The following STAG1 variants were observed in gnomAD, a reference collection of about 807,000 sequenced individuals.
STAG1 encodes cohesin subunit SA-1.
A neutral mutation model predicts 170.9 loss-of-function variants in STAG1; 26 were observed. The ratio of observed to expected loss-of-function variants is 0.15; its 90% CI spans 0.11 to 0.21. The LOEUF is 0.21. Ranked by LOEUF, STAG1 falls within the 10% of genes least tolerant of loss-of-function variation. The probability of loss-of-function intolerance (pLI) is 1.00; values close to 1 mark genes in which losing one functional copy is unlikely to be tolerated. For synonymous variants in STAG1, 514 were observed against 497.7 expected, an observed-to-expected ratio of 1.03 and a Z score of -0.44; for missense variants, 964 against 1,509.5, an observed-to-expected ratio of 0.64 and a Z score of 5.99.
intron 5 of STAG1, among the ~76,000 whole-genome samples, chr3:136,567,002 T>C (rs1937100416): frequency 6.6e-6 from 1 of 152,200 alleles, no homozygotes; most frequent in East Asian, 1.9e-4. Flanking sequence ...ATTCCTACCC[T>C]ATAGGTATGA....
chr3:136,636,024 G>C (rs2107842534), intron 1 of STAG1, among the ~76,000 whole-genome samples: 1 of 152,194 alleles, frequency 6.6e-6, no homozygotes, highest in African/African-American at 2.4e-5. Flanking sequence ...GAGGCAGGTG[G>C]ATCACCTGAG....
chr3:136,672,053 G>C (rs144614028), intron 1 of STAG1, among the ~76,000 whole-genome samples: 5 of 152,060 alleles, frequency 3.3e-5, no homozygotes, highest in African/African-American at 4.8e-5. Context: ...TAAATTTCTG[G>C]AGTTTCACTC....
At chr3:136,564,401 G>A (rs1322625859) in intron 5 of STAG1, among the ~76,000 whole-genome samples, 1 of 152,192 alleles carries the variant, frequency 6.6e-6, no homozygotes, top group African/African-American at 2.4e-5. Context: ...ACAACAGAAT[G>A]TTGTTATGAT....
intron 5 of STAG1, among the ~76,000 whole-genome samples, chr3:136,556,865 G>C (rs913921215): frequency 6.6e-6 from 1 of 152,040 alleles, no homozygotes; most frequent in Non-Finnish European, 1.5e-5. Flanking sequence ...TTACAGGTAC[G>C]AGCCACTGTG....
chr3:136,622,761 AATCAGGTT>A (rs1939922883), intron 3 of STAG1, among the ~76,000 whole-genome samples: 1 of 152,284 alleles, frequency 6.6e-6, no homozygotes, highest in Non-Finnish European at 1.5e-5. Context: ...TAAACTTCCC[AATCAGGTT>A]ATCAATGAGA....
intron 4 of STAG1, among the ~76,000 whole-genome samples, chr3:136,578,619 C>T (rs1176868484): frequency 6.6e-6 from 1 of 152,184 alleles, no homozygotes; most frequent in Admixed American, 6.5e-5. Context: ...AGATACTGTG[C>T]ATTGTTGAAA....
chr3:136,515,640 C>T lies in STAG1; in HGVS notation c.676+5573G>A, dbSNP rs979946455. Among the ~76,000 whole-genome samples, 3 of 152,128 alleles carry T rather than the reference C, an allele frequency of 2.0e-5. No homozygotes were observed. The South Asian group carries it at 6.2e-4, about 32-fold the overall frequency. On this transcript the variant is annotated intron_variant, in intron 7 of 33. Transcript: ENST00000383202. ...AATTTTTAAAATCCTTGTTTCTTTA[C>T]AAAAACTGGCTGCCAAAAGAAAGCT...
At chr3:136,685,466 C>T (rs1942485859) in intron 1 of STAG1, among the ~76,000 whole-genome samples, 2 of 152,304 alleles carry the variant, frequency 1.3e-5, no homozygotes, top group South Asian at 4.1e-4. Context: ...GATCCAGCAA[C>T]TGTACTTCTT....
chr3:136,337,748 A>C lies in STAG1; in HGVS notation c.*506T>G, dbSNP rs1935750595. The C allele has an allele frequency of 2.0e-5, 3 of 152,626 alleles. No homozygotes were observed. The South Asian group carries it at 6.2e-4, about 32-fold the overall frequency. 9.5% of individuals were successfully genotyped at this position (152,626 alleles called of 1,614,324 possible). A position where few individuals can be genotyped will look rare whatever the true frequency, so the allele number is the denominator to read the frequency against. On this transcript the variant is annotated 3_prime_UTR_variant, in exon 34 of 34. Transcript: ENST00000383202. ...CACAAAGGTCAACCAAATCCAGTGA[A>C]CTCCAAAACACTCTTCGCAATTAGG...
At chr3:136,510,715 G>A (rs1300685321) in intron 7 of STAG1, among the ~76,000 whole-genome samples, 1 of 151,860 alleles carries the variant, frequency 6.6e-6, no homozygotes, top group Non-Finnish European at 1.5e-5. Flanking sequence ...GGGTTCAAGT[G>A]ATTCTCCTGC....
chr3:136,599,120 C>T (rs1472055253), intron 4 of STAG1, among the ~76,000 whole-genome samples: 1 of 152,162 alleles, frequency 6.6e-6, no homozygotes, highest in African/African-American at 2.4e-5. Flanking sequence ...CTATTATAAA[C>T]ATACATGCAT....
intron 3 of STAG1, among the ~76,000 whole-genome samples, chr3:136,613,777 T>TG (rs765785217): frequency 4.6e-5 from 7 of 152,204 alleles, no homozygotes; most frequent in Non-Finnish European, 1.0e-4. Flanking sequence ...TGTGCGCCAC[T>TG]GTGCCCGGCC....
At chr3:136,697,061 A>G (rs1042954072) in intron 1 of STAG1, among the ~76,000 whole-genome samples, 19 of 152,094 alleles carry the variant, frequency 1.2e-4, no homozygotes, top group African/African-American at 4.1e-4. Context: ...ATCTGTGGCG[A>G]TATTCTTTTT....
At chr3:136,486,947 G>A (rs1483516518) in intron 9 of STAG1, among the ~76,000 whole-genome samples, 1 of 121,870 alleles carries the variant, frequency 8.2e-6, no homozygotes, top group Non-Finnish European at 1.6e-5. Flanking sequence ...AACAGCTTAT[G>A]TTCTCAGAAC....
intron 3 of STAG1, among the ~76,000 whole-genome samples, chr3:136,612,138 C>T (rs80009405): frequency 1.3e-5 from 2 of 152,080 alleles, no homozygotes; most frequent in African/African-American, 2.4e-5. Flanking sequence ...TGAGCCACTG[C>T]GCCTGGCCTA....
At chr3:136,710,627 C>G (rs910999261) in intron 1 of STAG1, among the ~76,000 whole-genome samples, 2 of 152,098 alleles carry the variant, frequency 1.3e-5, no homozygotes. Flanking sequence ...GCCCCTCCCC[C>G]CTCCAACCAT....
intron 4 of STAG1, among the ~76,000 whole-genome samples, chr3:136,574,354 A>G (rs1410389184): frequency 6.6e-6 from 1 of 152,026 alleles, no homozygotes; most frequent in African/African-American, 2.4e-5. Context: ...ACACACACAC[A>G]CACACACACA....
chr3:136,647,099 A>T (rs1383988873), intron 1 of STAG1, among the ~76,000 whole-genome samples: 1 of 152,158 alleles, frequency 6.6e-6, no homozygotes, highest in African/African-American at 2.4e-5. Flanking sequence ...TCAATTTTTT[A>T]AAAAACTTAA....
chr3:136,571,879 T>C (rs1937276669), intron 4 of STAG1, among the ~76,000 whole-genome samples: 1 of 151,942 alleles, frequency 6.6e-6, no homozygotes, highest in South Asian at 2.1e-4. Flanking sequence ...AGTGAAACCC[T>C]GTCTCTAAAA....
Sources: allele counts gnomAD v4.1 joint callset (sites outside exome capture counted in the v4.1 genomes callset), GRCh38; gene constraint gnomAD v4.1.1; transcripts MANE v1.5; gene names NCBI Gene and HGNC (gene_info 2026-07-23, HGNC 2026-07-21).